Variants in GAD2 observed in about 807,000 individuals in gnomAD.
GAD2 encodes the protein 65 kDa glutamic acid decarboxylase.
In GAD2, 22 loss-of-function variants were observed where a neutral mutation model predicts 80.1. The ratio of observed to expected loss-of-function variants is 0.27; its 90% CI spans 0.20 to 0.39. The LOEUF (loss-of-function observed/expected upper bound fraction) is 0.39. GAD2 is among the 10% of genes least tolerant of loss of function. The pLI is 1.00. For missense variants in GAD2, 624 were observed against 738.4 expected, an observed-to-expected ratio of 0.85 and a Z score of 1.80; for synonymous variants, 274 against 256.9, an observed-to-expected ratio of 1.07 and a Z score of -0.64.
At position 26,218,997 on chromosome 10, in the gene GAD2, T is replaced by C; in HGVS notation, c.287-46T>C. 3 of 1,410,884 alleles carry C rather than the reference T, an allele frequency of 2.1e-6. No individual in the cohort carries two copies. The South Asian group carries it at 4.3e-5, about 20-fold the overall frequency. 87.4% of individuals were successfully genotyped at this position (1,410,884 alleles called of 1,614,324 possible). ...CCTCATCAAGATCTTGCCTTGAATA[T>C]TTTCAAAGTAAAATTAAAATGTGGC... On this transcript the variant is annotated intron_variant, in intron 3 of 15. Transcript: ENST00000376261.
chr10:26,295,506 ATG>A (rs1413865552), intron 15 of GAD2, among the ~76,000 whole-genome samples: 31 of 139,510 alleles, frequency 2.2e-4, no homozygotes, highest in Admixed American at 2.1e-3. Context: ...ATTCATACGC[ATG>A]CACACACACA....
chr10:26,263,012 T>C (rs11015021), intron 8 of GAD2, among the ~76,000 whole-genome samples: 220 of 152,314 alleles, frequency 1.4e-3, no homozygotes, highest in Non-Finnish European at 1.9e-3. Context: ...GGAGGTTTCA[T>C]ATACAAAAGA....
At chr10:26,218,545 T>TCC (rs1243883778) in intron 3 of GAD2, among the ~76,000 whole-genome samples, 1 of 76,514 alleles carries the variant, frequency 1.3e-5, no homozygotes, top group African/African-American at 3.6e-5. Context: ...GCTCTCTCTC[T>TCC]CTCTCTCACA....
intron 8 of GAD2, among the ~76,000 whole-genome samples, chr10:26,251,341 T>C (rs1175800329): frequency 6.6e-6 from 1 of 152,222 alleles, no homozygotes; most frequent in African/African-American, 2.4e-5. Flanking sequence ...GCTTTGGAGC[T>C]GGCTTTGGAG....
intron 8 of GAD2, among the ~76,000 whole-genome samples, chr10:26,254,442 G>T (rs1198958394): frequency 2.6e-5 from 4 of 152,190 alleles, no homozygotes; most frequent in Non-Finnish European, 5.9e-5. Flanking sequence ...CTGGCTCAGG[G>T]CTCACCTCCT....
chr10:26,257,528 A>G (rs546771778), intron 8 of GAD2, among the ~76,000 whole-genome samples: 1 of 152,342 alleles, frequency 6.6e-6, no homozygotes, highest in East Asian at 1.9e-4. Context: ...AATAAATCTG[A>G]CCAAGACGCA....
chr10:26,245,733 C>T (rs141403839), intron 7 of GAD2, among the ~76,000 whole-genome samples, 188 bp from the exon 8 acceptor site: 74 of 152,218 alleles, frequency 4.9e-4, no homozygotes, highest in African/African-American at 1.7e-3. Flanking sequence ...TGAGCCACCA[C>T]GCCCAGCTGT....
At chr10:26,257,966 T>A (rs924695343) in intron 8 of GAD2, among the ~76,000 whole-genome samples, 13 of 152,174 alleles carry the variant, frequency 8.5e-5, no homozygotes, top group African/African-American at 2.7e-4. Flanking sequence ...TGAGCAGGGC[T>A]GTGGGAAGCC....
intron 8 of GAD2, among the ~76,000 whole-genome samples, chr10:26,251,466 T>C (rs1844880125): frequency 1.3e-5 from 2 of 152,220 alleles, no homozygotes; most frequent in African/African-American, 4.8e-5. Flanking sequence ...CTTCATAGGA[T>C]TGTTATGAAG....
At chr10:26,270,815 A>C (rs533667912) in intron 10 of GAD2, 59 bp downstream of exon 10, 18 of 1,061,972 alleles carry the variant, frequency 1.7e-5, no homozygotes, top group Non-Finnish European at 2.6e-5. Flanking sequence ...CATGTGGGAC[A>C]CACAAAGGAA....
chr10:26,223,843 T>G (rs766719874), intron 4 of GAD2, 44 bp from the exon 5 acceptor site: 4 of 1,322,792 alleles, frequency 3.0e-6, no homozygotes, highest in Non-Finnish European at 4.3e-6. Flanking sequence ...AGGCATTTAT[T>G]TTCACTGGAG....
intron 8 of GAD2, among the ~76,000 whole-genome samples, chr10:26,253,382 T>G (rs947040477): frequency 1.3e-5 from 2 of 152,202 alleles, no homozygotes; most frequent in Admixed American, 1.3e-4. Context: ...TTTGCAAAAT[T>G]TGAATTAGTG....
chr10:26,272,485 T>G lies in GAD2; in HGVS notation c.1093-1151T>G, dbSNP rs527465279. Among the ~76,000 whole-genome samples, 63 of 152,330 alleles carry G rather than the reference T, an allele frequency of 4.1e-4. No homozygotes were observed. The South Asian group carries it at 5.4e-3, about 13-fold the overall frequency. On this transcript the variant is annotated intron_variant, in intron 10 of 15. Coordinates refer to ENST00000376261, the MANE Select transcript of GAD2 (RefSeq NM_001134366.2). ...AACATACCAAGTTTACCACTTACTCTTATTAGCTTTAACATTCATACATTC... is the reference window on the plus strand; with the variant it reads ...AACATACCAAGTTTACCACTTACTCGTATTAGCTTTAACATTCATACATTC...
intron 7 of GAD2, among the ~76,000 whole-genome samples, chr10:26,233,673 C>T (rs1844633981): frequency 1.3e-5 from 2 of 152,244 alleles, no homozygotes; most frequent in African/African-American, 2.4e-5. Context: ...TTTACAATCA[C>T]ACTGTCTCCA....
At chr10:26,247,752 C>T (rs193223029) in intron 8 of GAD2, among the ~76,000 whole-genome samples, 20 of 151,530 alleles carry the variant, frequency 1.3e-4, no homozygotes, top group Non-Finnish European at 2.2e-4. Flanking sequence ...AAAAATTAGC[C>T]GGGGGTGGTG....
chr10:26,290,144 T>C (rs553739254), intron 13 of GAD2, among the ~76,000 whole-genome samples: 8 of 152,304 alleles, frequency 5.3e-5, no homozygotes, highest in African/African-American at 1.9e-4. Context: ...TGAAAATGAA[T>C]GTTTACTTTC....
chr10:26,246,401 C>T (rs1434935464), intron 8 of GAD2, among the ~76,000 whole-genome samples: 1 of 152,114 alleles, frequency 6.6e-6, no homozygotes, highest in East Asian at 1.9e-4. Flanking sequence ...GTATAGGGAG[C>T]AGGAAGTAAA....
chr10:26,279,495 G>A (rs1029107341), intron 11 of GAD2, among the ~76,000 whole-genome samples: 2 of 152,180 alleles, frequency 1.3e-5, no homozygotes, highest in African/African-American at 4.8e-5. Flanking sequence ...CCTGTATTTG[G>A]AATTTGGGCT....
chr10:26,269,246 G>T (rs1420409815), intron 9 of GAD2, 73 bp downstream of exon 9: 1 of 1,313,560 alleles, frequency 7.6e-7, no homozygotes, highest in Non-Finnish European at 1.1e-6. Context: ...ATGTGTTTTG[G>T]TTTTATTTTA....
Sources: gnomAD v4.1 joint callset for allele counts (sites outside exome capture counted in the v4.1 genomes callset) on GRCh38, gnomAD v4.1.1 for gene constraint, MANE v1.5 for transcripts, NCBI Gene and HGNC (gene_info 2026-07-23, HGNC 2026-07-21) for gene names.